Variants in A2M observed in about 807,000 individuals in gnomAD.
The protein encoded by A2M is alpha-2-macroglobulin.
Under a neutral mutation model 183.9 loss-of-function variants are expected in A2M, and 128 were observed. The observed-to-expected ratio is 0.70, with a 90% CI of 0.60 to 0.81. The LOEUF (loss-of-function observed/expected upper bound fraction) is 0.81, where lower values mean the gene tolerates loss of function less well. Ranked by LOEUF, A2M falls within the 30% of genes least tolerant of loss-of-function variation. The pLI, the probability that A2M is intolerant of heterozygous loss-of-function variation, is 0.00. For synonymous variants in A2M, 592 were observed against 670.8 expected, an observed-to-expected ratio of 0.88 and a Z score of 1.81; for missense variants, 1,495 against 1,787.6, an observed-to-expected ratio of 0.84 and a Z score of 2.95.
chr12:9,072,580 C>A lies in A2M; in HGVS notation c.3975+73G>T, dbSNP rs185741806. ...TTTCTCTGATCTGTCCCATTGTTTT[C>A]TGAGTTAGGACTTCTCAGAGAGAAC... On this transcript the variant is annotated intron_variant, in intron 30 of 35. Coordinates refer to ENST00000318602, the MANE Select transcript of A2M (RefSeq NM_000014.6). 1,884 of 1,599,988 alleles carry A rather than the reference C, an allele frequency of 1.2e-3. 4 individuals carry two copies. Among genetic ancestry groups the A allele is most frequent in the Middle Eastern group, 1.5e-3 (9 of 5,862 alleles).
intron 28 of A2M, among the ~76,000 whole-genome samples, chr12:9,076,416 T>C (rs763445495): frequency 6.6e-6 from 1 of 152,348 alleles, no homozygotes; most frequent in Non-Finnish European, 1.5e-5. Context: ...GTAGCACATT[T>C]TGGAGCTAGT....
chr12:9,091,565 C>G (rs1478488400), intron 18 of A2M, 136 bp from the exon 19 acceptor site: 2 of 894,432 alleles, frequency 2.2e-6, no homozygotes, highest in Non-Finnish European at 3.4e-6. Context: ...AGAGTATAAT[C>G]AAGGATTGAG....
At chr12:9,069,840 G>A (rs1026472015) in intron 32 of A2M, 27 bp from the exon 33 acceptor site, 6 of 1,606,628 alleles carry the variant, frequency 3.7e-6, no homozygotes, top group Middle Eastern at 3.3e-4. Context: ...TACCACAAAT[G>A]TTAATAAATA....
chr12:9,114,994 A>G lies in A2M; in HGVS notation c.86+770T>C, dbSNP rs144023393. ...TTTCCCCCAGTGAATTTATGCATCCATGGATTGCAAGAATTAAACAACATT... is the reference window on the plus strand; with the variant it reads ...TTTCCCCCAGTGAATTTATGCATCCGTGGATTGCAAGAATTAAACAACATT... On this transcript the variant is annotated intron_variant, in intron 1 of 35. Coordinates refer to ENST00000318602, the MANE Select transcript of A2M (RefSeq NM_000014.6). Among the ~76,000 whole-genome samples the G allele has an allele frequency of 5.5e-3, 837 of 152,294 alleles. 6 individuals are homozygous for G. Among genetic ancestry groups the G allele is most frequent in the South Asian group, 0.036 (173 of 4,826 alleles).
intron 7 of A2M, among the ~76,000 whole-genome samples, chr12:9,109,053 C>T (rs1469365754): frequency 7.0e-6 from 1 of 142,780 alleles, no homozygotes; most frequent in Non-Finnish European, 1.5e-5. Flanking sequence ...TGTGTGTGTG[C>T]AGTTTTGTCA....
At position 9,096,302 on chromosome 12, in the gene A2M, A is replaced by G. The variant is rs187735722; in HGVS notation, c.1852-602T>C. Among the ~76,000 whole-genome samples the G allele has an allele frequency of 3.2e-3, 492 of 152,336 alleles. 2 individuals carry two copies. Among genetic ancestry groups the G allele is most frequent in the African/African-American group, 0.011 (463 of 41,572 alleles). On this transcript the variant is annotated intron_variant, in intron 15 of 35. Transcript: ENST00000318602. The stretch of plus-strand genomic sequence containing the variant: ...AGGCCACCACTAGACTCAACACTGG[A>G]ATGAAATAAAACTTTATTAATTGAA...
chr12:9,093,234 T>C (rs935575635), intron 18 of A2M, among the ~76,000 whole-genome samples: 1 of 152,200 alleles, frequency 6.6e-6, no homozygotes, highest in African/African-American at 2.4e-5. Context: ...GGATAGATTT[T>C]AGGTGTGCTT....
At chr12:9,090,844 T>C (rs1057346009) in intron 19 of A2M, among the ~76,000 whole-genome samples, 22 of 152,186 alleles carry the variant, frequency 1.4e-4, no homozygotes, top group African/African-American at 5.3e-4. Context: ...GGTAAGATGC[T>C]CACAAACGAC....
At chr12:9,094,486 TGATTC>T (rs200023937) in intron 17 of A2M, among the ~76,000 whole-genome samples, 3,323 of 151,610 alleles carry the variant, frequency 0.022, 123 homozygotes, top group African/African-American at 0.075. Context: ...TAGAGCCAAC[TGATTC>T]TCCTTAAATG....
rs1164910475 is a variant in A2M at position 9,090,071 on chromosome 12, A to G, written c.2597-48T>C. 5 of 1,564,758 alleles carry G rather than the reference A, an allele frequency of 3.2e-6. No homozygotes were observed. The South Asian group carries it at 3.6e-5, about 11-fold the overall frequency. ...ATGAATAGCATCTTCCCCTTCCTCC[A>G]TGCCTCCAAACTCAAGATTTAGAAA... is the stretch of plus-strand genomic sequence containing the variant. On this transcript the variant is annotated intron_variant, in intron 20 of 35. Coordinates refer to ENST00000318602, the MANE Select transcript of A2M (RefSeq NM_000014.6).
At position 9,072,244 on chromosome 12, in the gene A2M, A is replaced by AT. The variant is rs1038391455; in HGVS notation, c.4103+114dup. 12 of 1,255,172 alleles carry AT rather than the reference A, an allele frequency of 9.6e-6. No individual in the cohort carries two copies. In the African/African-American group the frequency reaches 1.2e-4, roughly 13 times the overall value. The allele number at this position is 1,255,172 out of a possible 1,614,324, so 77.8% of individuals were successfully genotyped here. A position where few individuals can be genotyped will look rare whatever the true frequency, so the allele number is the denominator to read the frequency against. On this transcript the variant is annotated intron_variant, in intron 31 of 35. Transcript: ENST00000318602. Reference sequence around the variant, plus strand: ...ATATCAACTTAAGAGAATACATTGCATTTTTTGTGAATAGTGCAAATATCT... The same window carrying AT: ...ATATCAACTTAAGAGAATACATTGCATTTTTTTGTGAATAGTGCAAATATCT...
rs766705664 is a variant in A2M, at chr12:9,107,565, C to T, written c.838G>A (p.Gly280Ser). 36 of 1,613,822 alleles carry T rather than the reference C, an allele frequency of 2.2e-5. No individual in the cohort carries two copies. Among genetic ancestry groups the T allele is most frequent in the Non-Finnish European group, 3.1e-5 (36 of 1,179,876 alleles). ...TCACAGAAAGCCTGTGAATCTTCAC[C>T]GTGGCAGTCGGAAGCGTCACTATAC... Reference protein sequence around the residue: ...RKYSDASDCHGEDSQAFCEKF... With the variant: ...RKYSDASDCHSEDSQAFCEKF... Residue 280 changes from glycine to serine, a missense_variant, in exon 8 of 36, where the codon GGT becomes AGT. Physicochemically the swap from Gly to Ser is moderately conservative, Grantham distance 56 (BLOSUM62 0). Coordinates refer to ENST00000318602, the MANE Select transcript of A2M (RefSeq NM_000014.6).
Position 9,107,556 on chromosome 12 carries a change from A to C in A2M, c.847T>G (p.Ser283Ala). The C allele has an allele frequency of 6.2e-7, 1 of 1,613,986 alleles. No homozygotes were observed. The highest frequency in any genetic ancestry group is 8.5e-7 in the Non-Finnish European group (1 of 1,179,868). The change falls in exon 8 of 36, where the codon TCA becomes GCA. Residue 283 changes from serine (S) to alanine (A), a missense_variant. By Grantham distance (99) the Ser-to-Ala change is moderately conservative. Transcript: ENST00000318602. ...SDASDCHGED[S>A]QAFCEKFSGQ... ...CTGAATTTCTCACAGAAAGCCTGTG[A>C]ATCTTCACCGTGGCAGTCGGAAGCG...
At chr12:9,070,386 A>C in intron 32 of A2M, 102 bp downstream of exon 32, 1 of 795,140 alleles carries the variant, frequency 1.3e-6, no homozygotes, top group Non-Finnish European at 2.1e-6. Context: ...AGGCTTTGAT[A>C]GAGATTGACT....
intron 19 of A2M, 54 bp downstream of exon 19, chr12:9,091,147 C>T: frequency 6.3e-7 from 1 of 1,577,564 alleles, no homozygotes; most frequent in Non-Finnish European, 8.7e-7. Context: ...AGGAATGCAA[C>T]TTTTAATTTA....
chr12:9,069,102 T>C (rs1413700814), intron 33 of A2M: 2 of 283,144 alleles, frequency 7.1e-6, no homozygotes, highest in African/African-American at 4.4e-5. Context: ...ATATATACTT[T>C]TTATTGGATG....
intron 22 of A2M, 27 bp from the exon 23 acceptor site, chr12:9,080,204 TGA>T: frequency 6.9e-7 from 1 of 1,450,386 alleles, no homozygotes; most frequent in Non-Finnish European, 9.5e-7. Flanking sequence ...ATCAGACATA[TGA>T]AAATTATTTC....
At position 9,072,659 on chromosome 12, in the gene A2M, G is replaced by A; in HGVS notation, c.3969C>T (p.Tyr1323=). 5 of 1,614,070 alleles carry A rather than the reference G, an allele frequency of 3.1e-6. No individual in the cohort carries two copies. The highest frequency in any genetic ancestry group is 4.2e-6 in the Non-Finnish European group (5 of 1,179,954). Residue 1323 remains tyrosine (Y), a synonymous_variant, in exon 30 of 36, where the codon TAC becomes TAT. Transcript: ENST00000318602. Reference sequence around the variant, plus strand: ...ACCTGCCCAAGAGTCTCACCTGGAGGTAGACACATCCTTCTCCTGTCACTT... The same window carrying A: ...ACCTGCCCAAGAGTCTCACCTGGAGATAGACACATCCTTCTCCTGTCACTT... ...SMKVTGEGCV[Y]LQTSLKYNIL...
In A2M at chr12:9,112,144, T is replaced by C; in HGVS notation, c.483+15A>G. The stretch of plus-strand genomic sequence containing the variant: ...TATACAGACAATCATTTTATGTAGA[T>C]AATAGAAAACTCACCAACTCATTCA... On this transcript the variant is annotated intron_variant, in intron 4 of 35. Coordinates refer to ENST00000318602, the MANE Select transcript of A2M (RefSeq NM_000014.6). 2 of 1,613,116 alleles carry C rather than the reference T, an allele frequency of 1.2e-6. No homozygotes were observed. Among genetic ancestry groups the C allele is most frequent in the Non-Finnish European group, 1.7e-6 (2 of 1,179,210 alleles).
Sources: allele counts gnomAD v4.1 joint callset (sites outside exome capture counted in the v4.1 genomes callset), GRCh38; gene constraint gnomAD v4.1.1; transcripts MANE v1.5; gene names NCBI Gene and HGNC (gene_info 2026-07-23, HGNC 2026-07-21).